Variants in SUSD6 observed in about 807,000 individuals in gnomAD.
SUSD6 encodes sushi domain-containing protein 6.
A neutral mutation model predicts 28.4 loss-of-function variants in SUSD6; 16 were observed. The ratio of observed to expected loss-of-function variants is 0.56; its 90% CI spans 0.38 to 0.86. The LOEUF (loss-of-function observed/expected upper bound fraction) is 0.86. SUSD6 is among the 40% of genes least tolerant of loss of function. The pLI is 0.00. For synonymous variants in SUSD6, 147 were observed against 159.6 expected, an observed-to-expected ratio of 0.92 and a Z score of 0.59; for missense variants, 341 against 384.2, an observed-to-expected ratio of 0.89 and a Z score of 0.94.
intron 2 of SUSD6, among the ~76,000 whole-genome samples, chr14:69,701,841 A>G (rs1306744819): frequency 1.3e-5 from 2 of 152,188 alleles, no homozygotes; most frequent in East Asian, 1.9e-4. Flanking sequence ...CATCACCTAA[A>G]AAAAGAAAAG....
intron 1 of SUSD6, among the ~76,000 whole-genome samples, chr14:69,656,215 T>C (rs1374289120): frequency 6.7e-6 from 1 of 148,912 alleles, no homozygotes; most frequent in African/African-American, 2.5e-5. Flanking sequence ...TCACATCCTT[T>C]AGGACTCAGC....
chr14:69,622,759 A>C (rs531802893), intron 1 of SUSD6, among the ~76,000 whole-genome samples: 1 of 151,976 alleles, frequency 6.6e-6, no homozygotes, highest in African/African-American at 2.4e-5. Flanking sequence ...ACGCCTGGCT[A>C]ATTTTTGTAT....
rs1178071669 is a variant in SUSD6 at position 69,698,629 on chromosome 14, CT to C, written c.122-4763del. On this transcript the variant is annotated intron_variant, in intron 2 of 5. Transcript: ENST00000342745. ...TGCAAAACCAACAAAACCAGGGAAC[CT>C]TTAGAAAGGCTGGTGAGGGTCCTCA... 1.3e-5 allele frequency among the ~76,000 whole-genome samples: 2 copies of C among 152,188 alleles called. 1 individual carries two copies. Among genetic ancestry groups the C allele is most frequent in the Non-Finnish European group, 2.9e-5 (2 of 68,030 alleles).
At chr14:69,615,666 G>C (rs929416110) in intron 1 of SUSD6, 53 of 152,244 alleles carry the variant, frequency 3.5e-4, no homozygotes, top group African/African-American at 1.2e-3. Flanking sequence ...CTGTACTACT[G>C]TCAAGGCTTG....
chr14:69,633,823 A>G (rs1240544143), intron 1 of SUSD6, among the ~76,000 whole-genome samples: 1 of 152,194 alleles, frequency 6.6e-6, no homozygotes, highest in African/African-American at 2.4e-5. Context: ...TTAAAGCTGT[A>G]TATAGAAGAT....
chr14:69,623,189 C>G (rs955012778), intron 1 of SUSD6, among the ~76,000 whole-genome samples: 1 of 152,324 alleles, frequency 6.6e-6, no homozygotes, highest in South Asian at 2.1e-4. Flanking sequence ...CATCTCGTTA[C>G]AGGTACCCTA....
intron 1 of SUSD6, among the ~76,000 whole-genome samples, chr14:69,625,069 C>T (rs1246180713): frequency 1.3e-5 from 2 of 151,996 alleles, no homozygotes; most frequent in African/African-American, 4.8e-5. Flanking sequence ...ACTTAAATGG[C>T]AGTTTGGGGA....
chr14:69,662,339 CTCA>C (rs1566598056), intron 2 of SUSD6, among the ~76,000 whole-genome samples: 4 of 152,184 alleles, frequency 2.6e-5, no homozygotes, highest in African/African-American at 9.7e-5. Context: ...TCTGTATCAT[CTCA>C]TCATCAAATA....
At chr14:69,654,315 C>G (rs903796702) in intron 1 of SUSD6, among the ~76,000 whole-genome samples, 1 of 152,154 alleles carries the variant, frequency 6.6e-6, no homozygotes, top group African/African-American at 2.4e-5. Flanking sequence ...TTGAAGATTC[C>G]GAGTTGAGTA....
At chr14:69,650,688 C>G (rs1292838800) in intron 1 of SUSD6, among the ~76,000 whole-genome samples, 1 of 152,174 alleles carries the variant, frequency 6.6e-6, no homozygotes, top group South Asian at 2.1e-4. Flanking sequence ...CTTGCCTTCT[C>G]TCTTGCATCT....
intron 4 of SUSD6, among the ~76,000 whole-genome samples, chr14:69,705,790 G>A (rs1032489479): frequency 6.6e-6 from 1 of 152,200 alleles, no homozygotes; most frequent in Admixed American, 6.5e-5. Flanking sequence ...CCAGTCTACT[G>A]CTTTAGCCAC....
At chr14:69,683,113 T>G (rs1886022314) in intron 2 of SUSD6, among the ~76,000 whole-genome samples, 1 of 152,166 alleles carries the variant, frequency 6.6e-6, no homozygotes, top group Non-Finnish European at 1.5e-5. Context: ...AGTCCTTTGT[T>G]TCATGCTTTG....
rs184417757 is a variant in SUSD6 at position 69,618,753 on chromosome 14, G to C, written c.-81+6925G>C. 3.7e-4 allele frequency among the ~76,000 whole-genome samples: 57 copies of C among 152,320 alleles called. 1 individual carries two copies. The highest frequency in any genetic ancestry group is 1.5e-3 in the East Asian group (8 of 5,190). ...GCCAAAATTCATTGCCAAAAATTTT[G>C]TGATTTGAAGCAGGCCTTACCTGTT... On this transcript the variant is annotated intron_variant, in intron 1 of 5. Transcript: ENST00000342745.
rs1886525871 is a variant in SUSD6 at position 69,714,969 on chromosome 14, C to CA, written c.*3992dup. On this transcript the variant is annotated 3_prime_UTR_variant, in exon 6 of 6. Transcript: ENST00000342745. Reference sequence around the variant, plus strand: ...AATTGACTCTGTGCAGGATGTCACTCAATCAGTTTGGGTTTGCTTTATTTT... The same window carrying CA: ...AATTGACTCTGTGCAGGATGTCACTCAAATCAGTTTGGGTTTGCTTTATTTT... 1 of 152,160 alleles carries CA rather than the reference C, an allele frequency of 6.6e-6. No homozygotes were observed. The highest frequency in any genetic ancestry group is 2.1e-4 in the South Asian group (1 of 4,828). The allele number at this position is 152,160 out of a possible 1,614,324, so 9.4% of individuals were successfully genotyped here.
At chr14:69,632,144 T>G (rs943929266) in intron 1 of SUSD6, among the ~76,000 whole-genome samples, 1 of 152,230 alleles carries the variant, frequency 6.6e-6, no homozygotes, top group African/African-American at 2.4e-5. Context: ...CAAATTATAC[T>G]TCTTTTTGGA....
At chr14:69,661,864 A>G (rs1885667065) in intron 2 of SUSD6, among the ~76,000 whole-genome samples, 1 of 152,106 alleles carries the variant, frequency 6.6e-6, no homozygotes, top group South Asian at 2.1e-4. Flanking sequence ...CAGTGGTACA[A>G]TCATAGCTCA....
chr14:69,688,082 G>A (rs1886099874), intron 2 of SUSD6, among the ~76,000 whole-genome samples: 1 of 152,154 alleles, frequency 6.6e-6, no homozygotes, highest in African/African-American at 2.4e-5. Context: ...TGTTGTGGTA[G>A]AGCCAGACTC....
chr14:69,698,185 G>A (rs551878307), intron 2 of SUSD6, among the ~76,000 whole-genome samples: 24 of 152,138 alleles, frequency 1.6e-4, no homozygotes, highest in East Asian at 5.8e-4. Flanking sequence ...AAAGTTAGCC[G>A]GGTGTGGTGG....
intron 2 of SUSD6, among the ~76,000 whole-genome samples, chr14:69,699,210 CT>C: frequency 6.6e-6 from 1 of 152,040 alleles, no homozygotes; most frequent in Non-Finnish European, 1.5e-5. Flanking sequence ...CTTTTCTTTT[CT>C]TTTCTTTTTT....
Sources: allele counts gnomAD v4.1 joint callset (sites outside exome capture counted in the v4.1 genomes callset), GRCh38; gene constraint gnomAD v4.1.1; transcripts MANE v1.5; gene names NCBI Gene and HGNC (gene_info 2026-07-23, HGNC 2026-07-21).